The following DNAJC3 variants were observed in gnomAD, a reference collection of about 807,000 sequenced individuals.
DNAJC3 encodes the protein DnaJ heat shock protein family (Hsp40) member C3, also known as dnaJ homolog subfamily C member 3.
A neutral mutation model predicts 68.6 loss-of-function variants in DNAJC3; 38 were observed. The observed-to-expected ratio is 0.55, with a 90% CI of 0.43 to 0.73. The LOEUF (loss-of-function observed/expected upper bound fraction) is 0.73, where lower values mean the gene tolerates loss of function less well. Ranked by LOEUF, DNAJC3 falls within the 30% of genes least tolerant of loss-of-function variation. DNAJC3 has a pLI of 0.00. For missense variants in DNAJC3, 526 were observed against 591.9 expected, an observed-to-expected ratio of 0.89 and a Z score of 1.16; for synonymous variants, 203 against 204.0, an observed-to-expected ratio of 1.00 and a Z score of 0.04.
chr13:95,704,716 G>C (rs1008623080), intron 1 of DNAJC3, among the ~76,000 whole-genome samples: 16 of 152,160 alleles, frequency 1.1e-4, no homozygotes, highest in African/African-American at 3.6e-4. Context: ...TAGGTGGCCA[G>C]CTGTCTCTTT....
intron 2 of DNAJC3, among the ~76,000 whole-genome samples, chr13:95,716,762 T>C (rs542581404): frequency 1.4e-3 from 209 of 152,320 alleles, no homozygotes; most frequent in Non-Finnish European, 2.1e-3. Flanking sequence ...GCTGGTATGC[T>C]CTTCTTCTCC....
chr13:95,702,914 C>T (rs1341460870), intron 1 of DNAJC3, among the ~76,000 whole-genome samples: 2 of 152,186 alleles, frequency 1.3e-5, no homozygotes, highest in East Asian at 3.8e-4. Flanking sequence ...CTTACTCCAT[C>T]ACCATCCCAC....
rs974386071 is a variant in DNAJC3 at position 95,722,842 on chromosome 13, C to T, written c.194-400C>T. ...CCCCCCCCCCCCCCCCCCCCCCCGC[C>T]GAAAAAGGTTATAAGTTGAATATAG... On this transcript the variant is annotated intron_variant, in intron 2 of 11. Transcript: ENST00000602402. Among the ~76,000 whole-genome samples the T allele has an allele frequency of 2.0e-4, 13 of 66,660 alleles. 1 individual carries two copies. The East Asian group carries it at 6.4e-3, about 33-fold the overall frequency. 43.7% of individuals were successfully genotyped at this position (66,660 alleles called of 152,430 possible).
intron 9 of DNAJC3, among the ~76,000 whole-genome samples, chr13:95,774,971 GA>G (rs1171058886): frequency 1.3e-5 from 2 of 152,128 alleles, no homozygotes; most frequent in East Asian, 3.9e-4. Context: ...ATATTACTGT[GA>G]TTATTGATAT....
chr13:95,708,104 A>G (rs1880820362), intron 1 of DNAJC3, among the ~76,000 whole-genome samples: 5 of 152,168 alleles, frequency 3.3e-5, no homozygotes. Context: ...TGCAGCAGGA[A>G]GTCCACCCCA....
intron 4 of DNAJC3, among the ~76,000 whole-genome samples, chr13:95,735,212 G>A (rs1426656394): frequency 7.8e-6 from 1 of 128,916 alleles, no homozygotes; most frequent in Non-Finnish European, 1.6e-5. Context: ...TCTTAATCCA[G>A]TCTATCATTG....
At chr13:95,786,525 G>C (rs548360885) in intron 10 of DNAJC3, among the ~76,000 whole-genome samples, 3 of 152,330 alleles carry the variant, frequency 2.0e-5, no homozygotes, top group African/African-American at 7.2e-5. Flanking sequence ...CCCAGTGCCT[G>C]TGGGTGAATT....
intron 4 of DNAJC3, among the ~76,000 whole-genome samples, chr13:95,725,749 G>A (rs1222515999): frequency 6.7e-6 from 1 of 149,360 alleles, no homozygotes; most frequent in African/African-American, 2.5e-5. Flanking sequence ...ATGTATACAT[G>A]TGCCATGTTG....
At chr13:95,779,754 C>T (rs1306843337) in intron 9 of DNAJC3, among the ~76,000 whole-genome samples, 1 of 152,128 alleles carries the variant, frequency 6.6e-6, no homozygotes, top group Non-Finnish European at 1.5e-5. Context: ...GATTAAGTTA[C>T]ATAATTTGTC....
At chr13:95,698,660 C>G (rs1010484911) in intron 1 of DNAJC3, among the ~76,000 whole-genome samples, 4 of 152,138 alleles carry the variant, frequency 2.6e-5, no homozygotes, top group Non-Finnish European at 4.4e-5. Context: ...GCCTGTCATG[C>G]AGTTCTCCTG....
At chr13:95,705,650 G>GC (rs920434860) in intron 1 of DNAJC3, among the ~76,000 whole-genome samples, 1 of 151,704 alleles carries the variant, frequency 6.6e-6, no homozygotes, top group Non-Finnish European at 1.5e-5. Context: ...TCCTGCCTCA[G>GC]CCCCCCAAGT....
chr13:95,678,476 C>T (rs578247712), intron 1 of DNAJC3, among the ~76,000 whole-genome samples: 4 of 152,108 alleles, frequency 2.6e-5, no homozygotes, highest in Non-Finnish European at 5.9e-5. Context: ...AATCAGAACA[C>T]GTAGTGTGGC....
chr13:95,707,878 T>A (rs1235641250), intron 1 of DNAJC3, among the ~76,000 whole-genome samples: 1 of 152,168 alleles, frequency 6.6e-6, no homozygotes, highest in Non-Finnish European at 1.5e-5. Flanking sequence ...AGAAGATTGC[T>A]GTGTGGCTGG....
Position 95,792,050 on chromosome 13 carries a change from A to G in DNAJC3, c.*1020A>G. On this transcript the variant is annotated 3_prime_UTR_variant, in exon 12 of 12. Transcript: ENST00000602402. ...AGGTCTGTGGTGCCTCCCACGTGGG[A>G]CCTGTCTGCTGGTATGTGTTAAACA... 1 of 152,104 alleles carries G rather than the reference A, an allele frequency of 6.6e-6. No homozygotes were observed. The highest frequency in any genetic ancestry group is 2.1e-4 in the South Asian group (1 of 4,820). 9.4% of individuals were successfully genotyped at this position (152,104 alleles called of 1,614,324 possible).
At chr13:95,764,017 G>A in intron 9 of DNAJC3, 64 bp downstream of exon 9, 20 of 1,574,408 alleles carry the variant, frequency 1.3e-5, no homozygotes, top group Non-Finnish European at 1.7e-5. Context: ...CACATTTTAA[G>A]CTTCCTTTTC....
intron 1 of DNAJC3, among the ~76,000 whole-genome samples, chr13:95,678,089 C>T (rs1879811220): frequency 6.6e-6 from 1 of 152,172 alleles, no homozygotes; most frequent in South Asian, 2.1e-4. Context: ...GTTGGCTACT[C>T]CAGAATAGCG....
rs2139643155 is a variant in DNAJC3 at position 95,725,107 on chromosome 13, ATTC to A, written c.319-67_319-65del. On this transcript the variant is annotated intron_variant, in intron 3 of 11. Transcript: ENST00000602402. ...ATTAATAATTTGTTTATTTAGTTTT[ATTC>A]TTCGTGTTTAAAAAAGATTTAGAAA... is the stretch of plus-strand genomic sequence containing the variant. 3 of 1,031,428 alleles carry A rather than the reference ATTC, an allele frequency of 2.9e-6. No homozygotes were observed. The South Asian group carries it at 7.7e-5, about 26-fold the overall frequency. The allele number at this position is 1,031,428 out of a possible 1,614,324, so 63.9% of individuals were successfully genotyped here. A position where few individuals can be genotyped will look rare whatever the true frequency, so the allele number is the denominator to read the frequency against.
At chr13:95,699,259 G>T (rs530010073) in intron 1 of DNAJC3, among the ~76,000 whole-genome samples, 5 of 152,324 alleles carry the variant, frequency 3.3e-5, no homozygotes, top group African/African-American at 1.2e-4. Context: ...TGGAAATTAT[G>T]TTGGGTAAAA....
intron 9 of DNAJC3, among the ~76,000 whole-genome samples, chr13:95,764,681 TATACACAC>T (rs1460458840): frequency 2.7e-5 from 3 of 110,044 alleles, no homozygotes; most frequent in African/African-American, 1.3e-4. Flanking sequence ...TATATATATA[TATACACAC>T]ACACACATAT....
Sources: gnomAD v4.1 joint callset for allele counts (sites outside exome capture counted in the v4.1 genomes callset) on GRCh38, gnomAD v4.1.1 for gene constraint, MANE v1.5 for transcripts, NCBI Gene and HGNC (gene_info 2026-07-23, HGNC 2026-07-21) for gene names.